The following HDAC9 variants were observed in gnomAD, a reference collection of about 807,000 sequenced individuals.
The protein encoded by HDAC9 is histone deacetylase 9, also known as MEF-2 interacting transcription repressor (MITR) protein.
A neutral mutation model predicts 139.4 loss-of-function variants in HDAC9; 41 were observed. The ratio of observed to expected loss-of-function variants is 0.29; its 90% confidence interval spans 0.23 to 0.38. HDAC9 has a LOEUF of 0.38. HDAC9 is among the 10% of genes least tolerant of loss of function. The pLI, the probability that HDAC9 is intolerant of heterozygous loss-of-function variation, is 1.00. For synonymous variants in HDAC9, 517 were observed against 476.2 expected (o/e 1.09, Z -1.12); for missense variants, 1,147 against 1,297.0 (o/e 0.88, Z 1.78).
chr7:18,146,545 T>C (rs1786343305), intron 1 of HDAC9, among the ~76,000 whole-genome samples: 1 of 152,166 alleles, frequency 6.6e-6, no homozygotes, highest in Non-Finnish European at 1.5e-5. Context: ...AAATTAGTTT[T>C]CTCAGGCTTA....
At chr7:18,572,237 G>C (rs966476233) in intron 2 of HDAC9, among the ~76,000 whole-genome samples, 1 of 150,506 alleles carries the variant, frequency 6.6e-6, no homozygotes, top group Non-Finnish European at 1.5e-5. Context: ...CATAATGAGA[G>C]GGAAGTTTTG....
intron 16 of HDAC9, among the ~76,000 whole-genome samples, chr7:18,785,669 C>T (rs769583788): frequency 6.6e-6 from 1 of 152,130 alleles, no homozygotes; most frequent in African/African-American, 2.4e-5. Context: ...TTAGAAAACT[C>T]TTTATGCATA....
chr7:18,384,440 T>G (rs1785726952), intron 1 of HDAC9, among the ~76,000 whole-genome samples: 1 of 152,246 alleles, frequency 6.6e-6, no homozygotes, highest in South Asian at 2.1e-4. Flanking sequence ...ATTTTTTACT[T>G]TCTATATTAT....
At chr7:18,607,102 T>C (rs1484759797) in intron 6 of HDAC9, among the ~76,000 whole-genome samples, 1 of 152,182 alleles carries the variant, frequency 6.6e-6, no homozygotes, top group African/African-American at 2.4e-5. Flanking sequence ...AGTATGTTAG[T>C]TTCAAATCAA....
intron 1 of HDAC9, among the ~76,000 whole-genome samples, chr7:18,464,035 G>C (rs980007581): frequency 6.6e-6 from 1 of 152,038 alleles, no homozygotes; most frequent in African/African-American, 2.4e-5. Flanking sequence ...GGCATTTACT[G>C]AGGGAAATAT....
chr7:18,993,423 G>GGACTT (rs1175629123), intron 25 of HDAC9, among the ~76,000 whole-genome samples: 9 of 152,082 alleles, frequency 5.9e-5, no homozygotes, highest in African/African-American at 2.2e-4. Context: ...AAAACAGCTG[G>GGACTT]GACTTGAACC....
At chr7:18,488,631 A>G (rs1586245157) in intron 1 of HDAC9, among the ~76,000 whole-genome samples, 1 of 152,048 alleles carries the variant, frequency 6.6e-6, no homozygotes, top group African/African-American at 2.4e-5. Context: ...AATGCAGCTT[A>G]TAACCAGAGT....
intron 11 of HDAC9, among the ~76,000 whole-genome samples, chr7:18,653,403 G>T (rs894322134): frequency 2.0e-5 from 3 of 151,872 alleles, no homozygotes. Context: ...TTTCTTGCTT[G>T]CTCGCTTGTT....
chr7:18,473,035 C>T (rs1794841819), intron 1 of HDAC9, among the ~76,000 whole-genome samples: 1 of 152,178 alleles, frequency 6.6e-6, no homozygotes, highest in Non-Finnish European at 1.5e-5. Context: ...TATGTCAAAG[C>T]CACGGAGAAG....
At chr7:18,907,901 C>T (rs774978399) in intron 22 of HDAC9, among the ~76,000 whole-genome samples, 1 of 152,120 alleles carries the variant, frequency 6.6e-6, no homozygotes, top group African/African-American at 2.4e-5. Context: ...CCTCTGGTAT[C>T]ATCATAATGT....
At position 18,641,691 on chromosome 7, in the gene HDAC9, C is replaced by G. The variant is rs1428908411; in HGVS notation, c.913-2980C>G. On this transcript the variant is annotated intron_variant, in intron 8 of 25. Coordinates refer to ENST00000686413, the MANE Select transcript of HDAC9 (RefSeq NM_178425.4). ...ACTGATTTAAGGGCTGGGCCAGATT[C>G]AAAACTTCTTCTTGGAAAAATCTTG... Among the ~76,000 whole-genome samples, 3 of 152,076 alleles carry G rather than the reference C, an allele frequency of 2.0e-5. No homozygotes were observed. The East Asian group carries it at 5.8e-4, about 29-fold the overall frequency.
At chr7:18,304,165 A>G (rs557616741) in intron 1 of HDAC9, among the ~76,000 whole-genome samples, 2 of 152,302 alleles carry the variant, frequency 1.3e-5, no homozygotes, top group Admixed American at 1.3e-4. Context: ...TAAGAGTTTA[A>G]AAGTTCAGCA....
chr7:18,579,887 C>T (rs1187155902), intron 2 of HDAC9, among the ~76,000 whole-genome samples: 2 of 152,102 alleles, frequency 1.3e-5, no homozygotes, highest in East Asian at 1.9e-4. Context: ...CACAAAATTG[C>T]GCATTCTTAA....
rs554158872 is a variant in HDAC9, at chr7:18,969,886, G to A, written c.3023-5920G>A. Among the ~76,000 whole-genome samples, 9 of 152,292 alleles carry A rather than the reference G, an allele frequency of 5.9e-5. No individual in the cohort carries two copies. The South Asian group carries it at 1.9e-3, about 32-fold the overall frequency. ...TAAAATGTTTGCCAAAGTGGAGTAT[G>A]CTGAAAGGAGATAAAAGACAGTAAC... On this transcript the variant is annotated intron_variant, in intron 24 of 25. Coordinates refer to ENST00000686413, the MANE Select transcript of HDAC9 (RefSeq NM_178425.4).
At chr7:18,380,887 T>G (rs1336289005) in intron 1 of HDAC9, among the ~76,000 whole-genome samples, 1 of 151,902 alleles carries the variant, frequency 6.6e-6, no homozygotes, top group Non-Finnish European at 1.5e-5. Flanking sequence ...GCAAAACTTT[T>G]GGGGAAAAAC....
At chr7:18,670,008 G>A (rs958986426) in intron 12 of HDAC9, among the ~76,000 whole-genome samples, 1 of 145,642 alleles carries the variant, frequency 6.9e-6, no homozygotes, top group Non-Finnish European at 1.5e-5. Flanking sequence ...TAAACCTTTT[G>A]TTGAAACCTA....
chr7:18,965,289 T>C (rs1466924573), intron 24 of HDAC9, among the ~76,000 whole-genome samples: 1 of 152,204 alleles, frequency 6.6e-6, no homozygotes, highest in African/African-American at 2.4e-5. Flanking sequence ...TCAATAAAAG[T>C]TAATTTTCAA....
At chr7:18,681,915 T>A (rs560987552) in intron 12 of HDAC9, among the ~76,000 whole-genome samples, 10 of 152,168 alleles carry the variant, frequency 6.6e-5, no homozygotes, top group African/African-American at 1.2e-4. Flanking sequence ...CTAACGCTAA[T>A]AGAACCATTG....
At chr7:18,506,860 G>C (rs549150484) in intron 2 of HDAC9, among the ~76,000 whole-genome samples, 1 of 152,144 alleles carries the variant, frequency 6.6e-6, no homozygotes, top group African/African-American at 2.4e-5. Context: ...GTAAGCCTCT[G>C]CTTGCTGTTT....
Sources: gnomAD v4.1 joint callset for allele counts (sites outside exome capture counted in the v4.1 genomes callset) on GRCh38, gnomAD v4.1.1 for gene constraint, MANE v1.5 for transcripts, NCBI Gene and HGNC (gene_info 2026-07-23, HGNC 2026-07-21) for gene names.